The following SAXO3 variants were observed in gnomAD, a reference collection of about 807,000 sequenced individuals.
SAXO3 encodes CTB-60B18.10.
the SAXO3 span, chr19:49,019,702 T>C: frequency 8.4e-7 from 1 of 1,193,196 alleles, no homozygotes. Flanking sequence ...GGGCCCGAAG[T>C]ATTCCGGGGC....
the SAXO3 span, chr19:49,018,735 G>T: frequency 2.7e-6 from 2 of 749,086 alleles, no homozygotes; most frequent in Non-Finnish European, 4.3e-6. Flanking sequence ...GCTGAGGCCT[G>T]AACTTTGGTT....
chr19:49,018,805 G>C, the SAXO3 span: 1 of 1,351,384 alleles, frequency 7.4e-7, no homozygotes, highest in Non-Finnish European at 1.0e-6. Context: ...GCCAGCCCAG[G>C]GGCTCGGCGT....
At chr19:49,019,070 C>G in the SAXO3 span, 7 of 1,461,226 alleles carry the variant, frequency 4.8e-6, no homozygotes, top group Admixed American at 2.3e-5. Flanking sequence ...CCCTGGGTCC[C>G]GAGTTCAGAA....
chr19:49,019,752 C>G, the SAXO3 span: 1 of 1,204,130 alleles, frequency 8.3e-7, no homozygotes, highest in Non-Finnish European at 1.1e-6. Flanking sequence ...ACTGCGCCCT[C>G]GTCTCGCTGC....
At chr19:49,019,703 A>G in the SAXO3 span, 2 of 1,201,032 alleles carry the variant, frequency 1.7e-6, no homozygotes, top group Non-Finnish European at 2.2e-6. Flanking sequence ...GGCCCGAAGT[A>G]TTCCGGGGCG....
At chr19:49,018,671 G>A in the SAXO3 span, among the ~76,000 whole-genome samples, 1 of 152,024 alleles carries the variant, frequency 6.6e-6, no homozygotes, top group Non-Finnish European at 1.5e-5. Context: ...CCCTACCGCG[G>A]TTCCTGAGAG....
At chr19:49,018,901 A>T in the SAXO3 span, 1 of 1,534,388 alleles carries the variant, frequency 6.5e-7, no homozygotes, top group East Asian at 2.4e-5. Context: ...TCCCGCGCCG[A>T]GGTGGTCAGA....
At chr19:49,019,453 A>T in the SAXO3 span, 2 of 1,254,844 alleles carry the variant, frequency 1.6e-6, no homozygotes, top group African/African-American at 3.1e-5. Flanking sequence ...GCAGCTTAGG[A>T]GCCCTGAAGG....
chr19:49,019,533 G>C, the SAXO3 span: 3,139 of 1,160,262 alleles, frequency 2.7e-3, 9 homozygotes, highest in Non-Finnish European at 3.3e-3. Flanking sequence ...CTCTAACCTC[G>C]CGATCCCGCC....
the SAXO3 span, chr19:49,018,978 T>C: frequency 6.5e-7 from 1 of 1,533,614 alleles, no homozygotes. Flanking sequence ...CAGCTCGGGG[T>C]TCTTCGTCCA....
At chr19:49,019,519 G>T in the SAXO3 span, 9 of 1,171,146 alleles carry the variant, frequency 7.7e-6, no homozygotes, top group South Asian at 1.4e-4. Flanking sequence ...CCCTCCCCCG[G>T]CTCCTCTAAC....
the SAXO3 span, chr19:49,020,457 G>C: frequency 2.5e-6 from 1 of 399,214 alleles, no homozygotes; most frequent in Non-Finnish European, 4.4e-6. Flanking sequence ...GTTGGGCCTG[G>C]ATCCAGGTAC....
chr19:49,018,605 A>C, the SAXO3 span, among the ~76,000 whole-genome samples: 2 of 152,018 alleles, frequency 1.3e-5, no homozygotes, highest in Admixed American at 1.3e-4. Flanking sequence ...CAAGTACCGA[A>C]GGAGGCCCTG....
chr19:49,018,064 G>C, the SAXO3 span: 3 of 398,642 alleles, frequency 7.5e-6, no homozygotes, highest in African/African-American at 6.2e-5. Flanking sequence ...TCCAGTGCGG[G>C]CCGCCCCAGG....
At chr19:49,020,323 T>G in the SAXO3 span, 1 of 417,562 alleles carries the variant, frequency 2.4e-6, no homozygotes, top group Non-Finnish European at 4.2e-6. Context: ...ATTTAGCCCC[T>G]ATCTTTCTGG....
At chr19:49,018,202 G>A in the SAXO3 span, 1 of 491,138 alleles carries the variant, frequency 2.0e-6, no homozygotes, top group Non-Finnish European at 3.2e-6. Flanking sequence ...CGCGCGGCAC[G>A]CGGACCCGCG....
At chr19:49,019,590 G>GC in the SAXO3 span, 2 of 1,242,796 alleles carry the variant, frequency 1.6e-6, no homozygotes, top group Non-Finnish European at 2.0e-6. Flanking sequence ...TTCTGGCCCC[G>GC]CCCCAGGCTC....
chr19:49,018,380 C>T, the SAXO3 span: 4 of 1,180,322 alleles, frequency 3.4e-6, no homozygotes, highest in Non-Finnish European at 4.3e-6. Flanking sequence ...ACAGCTGGAT[C>T]CTTGGGGACG....
chr19:49,018,298 G>A, the SAXO3 span: 4 of 1,189,168 alleles, frequency 3.4e-6, no homozygotes, highest in African/African-American at 4.7e-5. Flanking sequence ...CGAAGCTCCA[G>A]TAGGTCAGGG....
Sources: allele counts gnomAD v4.1 joint callset (sites outside exome capture counted in the v4.1 genomes callset), GRCh38; gene constraint gnomAD v4.1.1; transcripts MANE v1.5; gene names NCBI Gene and HGNC (gene_info 2026-07-23, HGNC 2026-07-21).